The following HNRNPD variants were observed in gnomAD, a reference collection of about 807,000 sequenced individuals.
The protein encoded by HNRNPD is heterogeneous nuclear ribonucleoprotein D0.
Under a neutral mutation model 47.9 loss-of-function variants are expected in HNRNPD, and 3 were observed. The observed-to-expected ratio is 0.06, with a 90% CI of 0.03 to 0.16. The LOEUF is 0.16. HNRNPD is among the 10% of genes least tolerant of loss of function. The pLI is 1.00. For synonymous variants in HNRNPD, 171 were observed against 165.1 expected (o/e 1.04, Z -0.28); for missense variants, 287 against 454.2 (o/e 0.63, Z 3.35).
At chr4:82,372,120 C>T (rs1242211393) in intron 1 of HNRNPD, among the ~76,000 whole-genome samples, 1 of 151,634 alleles carries the variant, frequency 6.6e-6, no homozygotes, top group African/African-American at 2.4e-5. Context: ...TTATATCCAC[C>T]AACACCTTTC....
Position 82,363,485 on chromosome 4 carries a change from G to A in HNRNPD, c.291-3846C>T, listed in dbSNP as rs757103290. Among the ~76,000 whole-genome samples, 34 of 152,128 alleles carry A rather than the reference G, an allele frequency of 2.2e-4. 1 individual carries two copies. Among genetic ancestry groups the A allele is most frequent in the Non-Finnish European group, 1.6e-4 (11 of 68,024 alleles). ...CATTTCATATTGCTGTCACTCCTGC[G>A]TAGTGCAAACACTTTCCAATGAAGT... On this transcript the variant is annotated intron_variant, in intron 2 of 8. Transcript: ENST00000313899.
At chr4:82,367,120 G>A (rs1719804258) in intron 2 of HNRNPD, among the ~76,000 whole-genome samples, 1 of 147,306 alleles carries the variant, frequency 6.8e-6, no homozygotes, top group Non-Finnish European at 1.5e-5. Context: ...CATACCTCAA[G>A]ACTTCTGAGT....
In HNRNPD at chr4:82,356,938, A is replaced by G. The variant is rs752197241; in HGVS notation, c.754-43T>C. On this transcript the variant is annotated intron_variant, in intron 5 of 8. Coordinates refer to ENST00000313899, the MANE Select transcript of HNRNPD (RefSeq NM_031370.3). ...CATTATTAAACTGACTCAAGAAAAT[A>G]AAAGTTGCTAAATAAGTTTCTAATA... 7 of 1,503,554 alleles carry G rather than the reference A, an allele frequency of 4.7e-6. No homozygotes were observed. The African/African-American group carries it at 6.9e-5, about 15-fold the overall frequency. The allele number at this position is 1,503,554 out of a possible 1,614,324, so 93.1% of individuals were successfully genotyped here.
chr4:82,358,866 A>C, intron 3 of HNRNPD, 46 bp from the exon 4 acceptor site: 3 of 1,335,554 alleles, frequency 2.2e-6, no homozygotes, highest in Non-Finnish European at 3.1e-6. Context: ...ATCTTAACTG[A>C]AGTTCAGAGA....
chr4:82,373,529 T>C lies in HNRNPD; in HGVS notation c.150A>G (p.Gly50=). Residue 50 remains glycine (G), a synonymous_variant, in exon 1 of 9, where the codon GGA becomes GGG. Coordinates refer to ENST00000313899, the MANE Select transcript of HNRNPD (RefSeq NM_031370.3). ...AAGSGAGTGG[G]TASGGTEGGS... Reference sequence around the variant, plus strand: ...CCCCTTCGGTGCCTCCAGACGCGGTTCCGCCCCCGGTCCCGGCTCCGCTTC... The same window carrying C: ...CCCCTTCGGTGCCTCCAGACGCGGTCCCGCCCCCGGTCCCGGCTCCGCTTC... The C allele has an allele frequency of 6.5e-7, 1 of 1,541,696 alleles. No individual in the cohort carries two copies. The highest frequency in any genetic ancestry group is 8.7e-7 in the Non-Finnish European group (1 of 1,143,364).
intron 3 of HNRNPD, 59 bp downstream of exon 3, chr4:82,359,412 A>G (rs1723870981): frequency 8.1e-7 from 1 of 1,231,024 alleles, no homozygotes; most frequent in Non-Finnish European, 1.1e-6. Context: ...TCATTGTATC[A>G]AACTATCCAT....
intron 2 of HNRNPD, among the ~76,000 whole-genome samples, chr4:82,363,291 G>C (rs1256686128): frequency 6.6e-6 from 1 of 151,844 alleles, no homozygotes; most frequent in Non-Finnish European, 1.5e-5. Flanking sequence ...ATATTGGTCA[G>C]GCTGGTCTCG....
intron 1 of HNRNPD, among the ~76,000 whole-genome samples, chr4:82,372,418 T>C (rs1190210157): frequency 1.3e-5 from 2 of 152,036 alleles, no homozygotes; most frequent in Non-Finnish European, 2.9e-5. Context: ...AAGTATCCCA[T>C]AGCACAATAC....
Position 82,357,464 on chromosome 4 carries a change from T to C in HNRNPD, c.622-20A>G, listed in dbSNP as rs1357876614. 1 of 1,583,644 alleles carries C rather than the reference T, an allele frequency of 6.3e-7. No individual in the cohort carries two copies. Among genetic ancestry groups the C allele is most frequent in the African/African-American group, 1.4e-5 (1 of 73,112 alleles). On this transcript the variant is annotated intron_variant, in intron 4 of 8. Coordinates refer to ENST00000313899, the MANE Select transcript of HNRNPD (RefSeq NM_031370.3). ...TTCCACCTGGTATTAAAAAACAAAT[T>C]TTAATATGCTAACATGCATTTTATT...
chr4:82,367,026 CTTTTT>C (rs34807755), intron 2 of HNRNPD, among the ~76,000 whole-genome samples: 2 of 128,142 alleles, frequency 1.6e-5, no homozygotes, highest in Non-Finnish European at 1.6e-5. Context: ...ACACACTAGC[CTTTTT>C]TTTTTTTTTT....
chr4:82,372,228 G>A (rs1386239171), intron 1 of HNRNPD, among the ~76,000 whole-genome samples: 1 of 152,138 alleles, frequency 6.6e-6, no homozygotes, highest in Non-Finnish European at 1.5e-5. Flanking sequence ...AGTAATCGGA[G>A]CTAAGAAAAC....
Position 82,356,609 on chromosome 4 carries a change from G to C in HNRNPD, c.928C>G (p.Gln310Glu), listed in dbSNP as rs774573629. Reference protein sequence around the residue: ...QGYGNYGYNSQGYGGYGGYDY... With the variant: ...QGYGNYGYNSEGYGGYGGYDY... ...TATCCTCCATAACCACCGTAACCTT[G>C]GCTGTTATATCCATAGTTGCCATAG... Residue 310 changes from glutamine (Q) to glutamate (E), a missense_variant, in exon 7 of 9, where the codon CAA (glutamine) becomes GAA (glutamate). Physicochemically the swap from Gln to Glu is conservative, Grantham distance 29. Coordinates refer to ENST00000313899, the MANE Select transcript of HNRNPD (RefSeq NM_031370.3). The C allele has an allele frequency of 3.1e-6, 5 of 1,611,690 alleles. No homozygotes were observed. The highest frequency in any genetic ancestry group is 4.2e-6 in the Non-Finnish European group (5 of 1,179,538).
intron 2 of HNRNPD, among the ~76,000 whole-genome samples, chr4:82,369,488 T>C (rs1719924403): frequency 6.6e-6 from 1 of 152,244 alleles, no homozygotes; most frequent in African/African-American, 2.4e-5. Flanking sequence ...TTTTAAAGTA[T>C]TTTAGGATGA....
At chr4:82,372,923 G>A (rs918210991) in intron 1 of HNRNPD, among the ~76,000 whole-genome samples, 1 of 152,236 alleles carries the variant, frequency 6.6e-6, no homozygotes, top group African/African-American at 2.4e-5. Flanking sequence ...AGGCCGACAA[G>A]GGAGAGGCAG....
intron 5 of HNRNPD, 102 bp from the exon 6 acceptor site, chr4:82,356,997 C>T: frequency 9.8e-7 from 1 of 1,023,654 alleles, no homozygotes; most frequent in Non-Finnish European, 1.5e-6. Flanking sequence ...ATAGAGTAGG[C>T]TAATTTGAAA....
At chr4:82,363,343 T>G (rs1020915276) in intron 2 of HNRNPD, among the ~76,000 whole-genome samples, 26 of 152,200 alleles carry the variant, frequency 1.7e-4, no homozygotes, top group Non-Finnish European at 1.2e-4. Context: ...CCTCCCAAAT[T>G]AGAGGCGCGA....
At chr4:82,357,161 T>C (rs1723747458) in intron 5 of HNRNPD, 152 bp downstream of exon 5, 1 of 825,140 alleles carries the variant, frequency 1.2e-6, no homozygotes, top group Non-Finnish European at 1.9e-6. Context: ...AATGTGTCCA[T>C]CCTGCTCCCC....
rs1373691442 is a variant in HNRNPD, at chr4:82,353,119, T to A, written c.*1066A>T. 6.6e-6 allele frequency: 1 copy of A among 152,156 alleles called. No individual in the cohort carries two copies. The highest frequency in any genetic ancestry group is 2.4e-5 in the African/African-American group (1 of 41,434). 9.4% of individuals were successfully genotyped at this position (152,156 alleles called of 1,614,324 possible). On this transcript the variant is annotated 3_prime_UTR_variant, in exon 9 of 9. Coordinates refer to ENST00000313899, the MANE Select transcript of HNRNPD (RefSeq NM_031370.3). ...TGCTAATAACAGAACTCAAGAAGCT[T>A]CCAACAAATGACAGGAAAAACAATT...
rs750707981 is a variant in HNRNPD at position 82,359,486 on chromosome 4, C to T, written c.444G>A (p.Ser148=). The change falls in exon 3 of 9, where the codon TCG becomes TCA. Residue 148 remains serine (S), a synonymous_variant. Coordinates refer to ENST00000313899, the MANE Select transcript of HNRNPD (RefSeq NM_031370.3). ...RGFGFVLFKE[S]ESVDKVMDQK... ...AACACACTACCTTATCTACACTCTC[C>T]GATTCTTTAAATAGCACAAAGCCAA... 2 of 1,582,232 alleles carry T rather than the reference C, an allele frequency of 1.3e-6. No individual in the cohort carries two copies. Among genetic ancestry groups the T allele is most frequent in the South Asian group, 2.3e-5 (2 of 88,228 alleles).
Sources: allele counts gnomAD v4.1 joint callset (sites outside exome capture counted in the v4.1 genomes callset), GRCh38; gene constraint gnomAD v4.1.1; transcripts MANE v1.5; gene names NCBI Gene and HGNC (gene_info 2026-07-23, HGNC 2026-07-21).